MYO1C: variants seen among roughly 807,000 people sequenced by gnomAD.
MYO1C encodes the protein unconventional myosin-Ic.
Under a neutral mutation model 150.8 loss-of-function variants are expected in MYO1C, and 104 were observed. The observed-to-expected ratio is 0.69, with a 90% CI of 0.59 to 0.81. The LOEUF (loss-of-function observed/expected upper bound fraction) is 0.81. MYO1C is among the 30% of genes least tolerant of loss of function. MYO1C has a pLI of 0.00. For missense variants in MYO1C, 1,504 were observed against 1,435.0 expected (o/e 1.05, Z -0.78); for synonymous variants, 663 against 579.9 (o/e 1.14, Z -2.06).
At chr17:1,483,192 C>T (rs1262754795) in intron 3 of MYO1C, 133 bp from the exon 4 acceptor site, 2 of 908,624 alleles carry the variant, frequency 2.2e-6, no homozygotes, top group African/African-American at 3.3e-5. Context: ...CTGGGGGTCC[C>T]TCACAGGTGT....
Position 1,482,511 on chromosome 17 carries a change from G to C in MYO1C, c.594C>G (p.Phe198Leu). The C allele has an allele frequency of 6.2e-7, 1 of 1,614,036 alleles. No homozygotes were observed. Among genetic ancestry groups the C allele is most frequent in the Non-Finnish European group, 8.5e-7 (1 of 1,179,976 alleles). The change falls in exon 5 of 32, where the codon TTC (phenylalanine) becomes TTG (leucine). Residue 198 changes from phenylalanine (F) to leucine (L), a missense_variant. Physicochemically the swap from Phe to Leu is conservative, Grantham distance 22. Coordinates refer to ENST00000648651, the MANE Select transcript of MYO1C (RefSeq NM_001080779.2). ...KTLRNDNSSR[F>L]GKYMDVQFDF... ...CAAACTGCACATCCATGTACTTCCC[G>C]AACCTGCTGGAGTTATCGTTCCGGA... is the stretch of plus-strand genomic sequence containing the variant.
chr17:1,471,556 C>T (rs933462544), intron 19 of MYO1C, among the ~76,000 whole-genome samples: 1 of 152,138 alleles, frequency 6.6e-6, no homozygotes, highest in Non-Finnish European at 1.5e-5. Context: ...TCAGTTTGAC[C>T]CCCCAGGCCC....
intron 31 of MYO1C, 55 bp downstream of exon 31, chr17:1,467,187 A>G (rs372472695): frequency 6.6e-7 from 1 of 1,519,722 alleles, no homozygotes. Flanking sequence ...AGCACAGCCA[A>G]GGAAGGCTTG....
At chr17:1,472,346 G>T in intron 17 of MYO1C, 118 bp from the exon 18 acceptor site, 1 of 833,442 alleles carries the variant, frequency 1.2e-6, no homozygotes. Context: ...ATTCTGCCTG[G>T]TCCTTACTCC....
chr17:1,476,040 G>C (rs1207550255), intron 14 of MYO1C, among the ~76,000 whole-genome samples: 1 of 152,206 alleles, frequency 6.6e-6, no homozygotes, highest in Non-Finnish European at 1.5e-5. Context: ...CGGGATCACA[G>C]GTGGCTTTTG....
At chr17:1,481,585 CG>C (rs2074521412) in intron 5 of MYO1C, among the ~76,000 whole-genome samples, 1 of 151,950 alleles carries the variant, frequency 6.6e-6, no homozygotes, top group Non-Finnish European at 1.5e-5. Flanking sequence ...ACTGCACCCT[CG>C]AACTCCCGGG....
At chr17:1,470,757 C>G in intron 21 of MYO1C, 68 bp from the exon 22 acceptor site, 8 of 1,490,428 alleles carry the variant, frequency 5.4e-6, no homozygotes, top group Non-Finnish European at 7.3e-6. Flanking sequence ...GTGCCGTGTG[C>G]GCTCCACGAG....
At position 1,483,664 on chromosome 17, in the gene MYO1C, C is replaced by G. The variant is rs377468370; in HGVS notation, c.293G>C (p.Arg98Pro). ...GCCACGGTAACGCTCCATATGCTGC[C>G]GGCTGTAGATCTGCAGGTCCCGGTA... ...NPYRDLQIYS[R>P]QHMERYRGVS... is the part of the protein sequence containing the mutation. The change falls in exon 3 of 32, where the codon CGG becomes CCG. Residue 98 changes from arginine (R) to proline (P), a missense_variant. Coordinates refer to ENST00000648651, the MANE Select transcript of MYO1C (RefSeq NM_001080779.2). 1.2e-6 allele frequency: 2 copies of G among 1,613,238 alleles called. No homozygotes were observed. The highest frequency in any genetic ancestry group is 8.5e-7 in the Non-Finnish European group (1 of 1,179,768).
chr17:1,469,741 G>A, intron 24 of MYO1C, 127 bp from the exon 25 acceptor site: 3 of 853,662 alleles, frequency 3.5e-6, no homozygotes, highest in Non-Finnish European at 5.7e-6. Context: ...TTCCGGTCAA[G>A]AGACCTTACT....
At chr17:1,469,435 C>T (rs1482827010) in intron 25 of MYO1C, 96 bp downstream of exon 25, 1 of 1,178,678 alleles carries the variant, frequency 8.5e-7, no homozygotes, top group Non-Finnish European at 1.2e-6. Flanking sequence ...ATACGGTAGA[C>T]CGGGGTAAAT....
chr17:1,472,225 C>T lies in MYO1C; in HGVS notation c.1801G>A (p.Ala601Thr), dbSNP rs775588527. ...AGGAGGCTCATCTTGAACTGGGTGG[C>T]GACCTGGCGAGCCAAGAGGCATGGG... ...LSDKKRPETV[A>T]TQFKMSLLQL... The change falls in exon 18 of 32, where the codon GCC becomes ACC. Residue 601 changes from alanine (A) to threonine (T), a missense_variant. Transcript: ENST00000648651. 34 of 1,613,860 alleles carry T rather than the reference C, an allele frequency of 2.1e-5. No individual in the cohort carries two copies. Among genetic ancestry groups the T allele is most frequent in the African/African-American group, 2.7e-5 (2 of 74,922 alleles).
At position 1,481,895 on chromosome 17, in the gene MYO1C, C is replaced by T. The variant is rs1014791724; in HGVS notation, c.627+583G>A. 1.2e-4 allele frequency among the ~76,000 whole-genome samples: 18 copies of T among 152,038 alleles called. No homozygotes were observed. In the South Asian group the frequency reaches 1.9e-3, roughly 16 times the overall value. On this transcript the variant is annotated intron_variant, in intron 5 of 31. Coordinates refer to ENST00000648651, the MANE Select transcript of MYO1C (RefSeq NM_001080779.2). ...GCACCGTTTGGCCTCTCTCTGTTCGCGGGCCCCTGCTCTCTTCTCTGGCCG... is the reference window on the plus strand; with the variant it reads ...GCACCGTTTGGCCTCTCTCTGTTCGTGGGCCCCTGCTCTCTTCTCTGGCCG...
In MYO1C at chr17:1,468,069, G is replaced by A. The variant is rs570705424; in HGVS notation, c.2815C>T (p.Gln939Ter). 3 of 1,613,466 alleles carry A rather than the reference G, an allele frequency of 1.9e-6. No homozygotes were observed. The highest frequency in any genetic ancestry group is 1.1e-5 in the South Asian group (1 of 91,068). Residue 939 changes from glutamine (Q) to a stop codon, truncating the protein, a stop_gained, in exon 28 of 32, where the codon CAG (glutamine) becomes TAG (stop). Transcript: ENST00000648651. LOFTEE classifies it high-confidence loss of function. ...ACGGCGTTGGGCGTGAGCAGCAGCT[G>A]CCGGGAGCGAGGCTTGTAGCCCTTG... is the stretch of plus-strand genomic sequence containing the variant. The part of the protein sequence containing the change: ...DRKGYKPRSR[Q>*]LLLTPNAVVI...
intron 1 of MYO1C, chr17:1,485,735 G>T (rs2074640758): frequency 8.8e-7 from 1 of 1,142,084 alleles, no homozygotes; most frequent in South Asian, 4.2e-5. Context: ...CCTGGCGCCC[G>T]CTCCGCTGCC....
rs763443895 is a variant in MYO1C at position 1,478,129 on chromosome 17, C to T, written c.1359G>A (p.Thr453=). The T allele has an allele frequency of 6.8e-6, 11 of 1,613,964 alleles. No homozygotes were observed. Among genetic ancestry groups the T allele is most frequent in the African/African-American group, 4.0e-5 (3 of 74,946 alleles). ...EKLQQLFIEL[T]LKSEQEEYEA... ...CGTACTCCTCCTGCTCCGACTTGAG[C>T]GTGAGCTCGATGAAGAGCTGCTGCA... The change falls in exon 12 of 32, where the codon ACG becomes ACA. Residue 453 remains threonine (T), a synonymous_variant. Coordinates refer to ENST00000648651, the MANE Select transcript of MYO1C (RefSeq NM_001080779.2). This position sits in a 1 kb window ranked among gnomAD's most constrained non-coding sequence, Gnocchi z 6.3.
At chr17:1,489,459 G>A (rs1015290975) in intron 1 of MYO1C, among the ~76,000 whole-genome samples, 1 of 152,214 alleles carries the variant, frequency 6.6e-6, no homozygotes, top group Non-Finnish European at 1.5e-5. Flanking sequence ...AGGATCGCTT[G>A]AGGCCAGGAG....
At chr17:1,491,787 G>C (rs1039757418) in intron 1 of MYO1C, 33 of 430,050 alleles carry the variant, frequency 7.7e-5, no homozygotes, top group Non-Finnish European at 9.3e-5. Flanking sequence ...CCGCGTCCGC[G>C]AAGCCTCGGT....
intron 7 of MYO1C, among the ~76,000 whole-genome samples, chr17:1,480,303 C>G (rs1288275313): frequency 6.6e-6 from 1 of 151,500 alleles, no homozygotes; most frequent in African/African-American, 2.4e-5. Context: ...AAAAAATTAG[C>G]TGGGCGTGGT....
Position 1,471,295 on chromosome 17 carries a change from C to T in MYO1C, c.2063G>A (p.Gly688Glu). The T allele has an allele frequency of 6.2e-7, 1 of 1,614,008 alleles. No homozygotes were observed. The highest frequency in any genetic ancestry group is 1.6e-4 in the Middle Eastern group (1 of 6,062). Reference sequence around the variant, plus strand: ...CACAGCCACCCCATCCTGCGGCCGTCCTGCCCACGTGGGCCACGTCTCTGG... The same window carrying T: ...CACAGCCACCCCATCCTGCGGCCGTTCTGCCCACGTGGGCCACGTCTCTGG... Reference protein sequence around the residue: ...LCPETWPTWAGRPQDGVAVLV... With the variant: ...LCPETWPTWAERPQDGVAVLV... The change falls in exon 20 of 32, where the codon GGA (glycine) becomes GAA (glutamate). Residue 688 changes from glycine to glutamate, a missense_variant. By Grantham distance (98) the Gly-to-Glu change is moderately conservative. Transcript: ENST00000648651.
Sources: allele counts gnomAD v4.1 joint callset (sites outside exome capture counted in the v4.1 genomes callset), GRCh38; gene constraint gnomAD v4.1.1; non-coding constraint Gnocchi (gnomAD v3.1); transcripts MANE v1.5; gene names NCBI Gene and HGNC (gene_info 2026-07-23, HGNC 2026-07-21).